The following SNX29 variants were observed in gnomAD, a reference collection of about 807,000 sequenced individuals.
SNX29 encodes sorting nexin-29.
Under a neutral mutation model 102.1 loss-of-function variants are expected in SNX29, and 78 were observed. The observed-to-expected ratio is 0.76, with a 90% CI of 0.64 to 0.92. SNX29 has a LOEUF of 0.92. SNX29 is among the 40% of genes least tolerant of loss of function. The pLI is 0.00. For synonymous variants in SNX29, 580 were observed against 414.5 expected (o/e 1.40, Z -4.85); for missense variants, 1,280 against 1,061.7 (o/e 1.21, Z -2.86).
At chr16:12,524,205 TC>T (rs1950617429) in intron 19 of SNX29, among the ~76,000 whole-genome samples, 2 of 152,152 alleles carry the variant, frequency 1.3e-5, no homozygotes, top group African/African-American at 4.8e-5. Context: ...AAAACCTCTT[TC>T]TTAATCAGTG....
chr16:12,024,626 C>T (rs2057137384), intron 3 of SNX29, among the ~76,000 whole-genome samples: 1 of 152,162 alleles, frequency 6.6e-6, no homozygotes, highest in African/African-American at 2.4e-5. Flanking sequence ...GACCTGTGTG[C>T]CTCTGTGACA....
chr16:12,225,980 C>T (rs1166241349), intron 14 of SNX29, among the ~76,000 whole-genome samples: 1 of 152,204 alleles, frequency 6.6e-6, no homozygotes, highest in African/African-American at 2.4e-5. Context: ...TAGCCAGCAT[C>T]CAGCCCTCAT....
At chr16:12,537,461 A>G (rs2077126971) in intron 20 of SNX29, among the ~76,000 whole-genome samples, 1 of 150,652 alleles carries the variant, frequency 6.6e-6, no homozygotes, top group Non-Finnish European at 1.5e-5. Context: ...CCTCTGCCTC[A>G]GCATCCTCAT....
chr16:12,572,520 C>G lies in SNX29; in HGVS notation c.*3891C>G, dbSNP rs532039125. ...CCTCGGCCTTCCTGCTCCACGTGCTCAAGCCCCCACAGGGGGCTGCGACAC... is the reference window on the plus strand; with the variant it reads ...CCTCGGCCTTCCTGCTCCACGTGCTGAAGCCCCCACAGGGGGCTGCGACAC... On this transcript the variant is annotated 3_prime_UTR_variant, in exon 21 of 21. Coordinates refer to ENST00000566228, the MANE Select transcript of SNX29 (RefSeq NM_032167.5). 2.1e-5 allele frequency: 22 copies of G among 1,064,302 alleles called. No individual in the cohort carries two copies. The Admixed American group carries it at 6.4e-4, about 31-fold the overall frequency. The allele number at this position is 1,064,302 out of a possible 1,614,324, so 65.9% of individuals were successfully genotyped here.
At chr16:12,077,970 C>G (rs1315232356) in intron 10 of SNX29, among the ~76,000 whole-genome samples, 2 of 152,114 alleles carry the variant, frequency 1.3e-5, no homozygotes, top group African/African-American at 4.8e-5. Flanking sequence ...GGTTTTATGT[C>G]TGTTCCTGTT....
intron 3 of SNX29, among the ~76,000 whole-genome samples, chr16:12,017,286 A>G (rs1257540817): frequency 6.6e-6 from 1 of 152,180 alleles, no homozygotes; most frequent in African/African-American, 2.4e-5. Flanking sequence ...CAGTGTTACT[A>G]TACTTTCTTG....
At chr16:12,561,080 G>C in intron 20 of SNX29, 1 of 225,066 alleles carries the variant, frequency 4.4e-6, no homozygotes. Flanking sequence ...ATGGATGTCA[G>C]CATAGTTCAC....
chr16:12,518,918 G>T (rs1020825314), intron 19 of SNX29, among the ~76,000 whole-genome samples: 1 of 152,224 alleles, frequency 6.6e-6, no homozygotes, highest in African/African-American at 2.4e-5. Flanking sequence ...TGAAGTAGAT[G>T]CAGTGTAGCC....
At chr16:12,383,017 A>C (rs891662753) in intron 16 of SNX29, among the ~76,000 whole-genome samples, 1 of 152,184 alleles carries the variant, frequency 6.6e-6, no homozygotes, top group Admixed American at 6.5e-5. Context: ...GGATGTGGAC[A>C]TATCTTTTTG....
At chr16:12,356,624 TA>T (rs1343972674) in intron 16 of SNX29, among the ~76,000 whole-genome samples, 10 of 152,386 alleles carry the variant, frequency 6.6e-5, no homozygotes, top group Non-Finnish European at 1.2e-4. Context: ...AACTTTTACC[TA>T]CATGGTATTA....
intron 18 of SNX29, among the ~76,000 whole-genome samples, chr16:12,460,311 T>G (rs1416866814): frequency 1.3e-5 from 2 of 152,242 alleles, no homozygotes; most frequent in Non-Finnish European, 2.9e-5. Context: ...TTTAGTATTT[T>G]CAGAGTTGAG....
chr16:12,442,386 C>G (rs899593602), intron 18 of SNX29, among the ~76,000 whole-genome samples: 24 of 152,172 alleles, frequency 1.6e-4, no homozygotes, highest in Admixed American at 5.9e-4. Context: ...TTCTTCTTTT[C>G]TCTCTTCTTC....
chr16:12,311,714 C>T (rs955108355), intron 15 of SNX29, among the ~76,000 whole-genome samples: 1 of 152,226 alleles, frequency 6.6e-6, no homozygotes, highest in Non-Finnish European at 1.5e-5. Flanking sequence ...TGTTGTCTGT[C>T]GCCAATTCCA....
intron 3 of SNX29, among the ~76,000 whole-genome samples, chr16:12,009,090 A>G (rs2056558474): frequency 6.6e-6 from 1 of 152,114 alleles, no homozygotes; most frequent in Non-Finnish European, 1.5e-5. Flanking sequence ...ATGCTAGTTT[A>G]CCATTTACAA....
At position 12,129,652 on chromosome 16, in the gene SNX29, G is replaced by GA; in HGVS notation, c.1489_1490insA (p.Gly497GlufsTer2). On this transcript the variant is annotated frameshift_variant, in exon 13 of 21. Coordinates refer to ENST00000566228, the MANE Select transcript of SNX29 (RefSeq NM_032167.5). LOFTEE classifies it high-confidence loss of function. ...CAGATCACTGCGAAACCTGCTCGAC[G>GA]GTGAGATGGAGCACTCAGCCGCGCT... The GA allele has an allele frequency of 6.2e-7, 1 of 1,611,054 alleles. No homozygotes were observed. Among genetic ancestry groups the GA allele is most frequent in the Non-Finnish European group, 8.5e-7 (1 of 1,179,438 alleles).
chr16:12,278,210 T>C (rs571275708), intron 15 of SNX29, among the ~76,000 whole-genome samples, 174 bp downstream of exon 15: 1 of 152,326 alleles, frequency 6.6e-6, no homozygotes, highest in Non-Finnish European at 1.5e-5. Flanking sequence ...AAGTATGAGC[T>C]GATCCTTTGA....
At chr16:12,427,885 G>A (rs928583423) in intron 18 of SNX29, among the ~76,000 whole-genome samples, 1 of 152,260 alleles carries the variant, frequency 6.6e-6, no homozygotes, top group African/African-American at 2.4e-5. Context: ...TCCCAGAGCA[G>A]TTGCTAAATA....
intron 19 of SNX29, among the ~76,000 whole-genome samples, chr16:12,519,250 T>G (rs1227306530): frequency 6.6e-6 from 1 of 152,194 alleles, no homozygotes; most frequent in African/African-American, 2.4e-5. Flanking sequence ...CGTGAACAGC[T>G]TGTGGTGAAA....
chr16:12,439,999 C>G (rs915941530), intron 18 of SNX29, among the ~76,000 whole-genome samples: 4 of 152,206 alleles, frequency 2.6e-5, no homozygotes, highest in Non-Finnish European at 4.4e-5. Flanking sequence ...CCAACTCTGC[C>G]TCCTGGAATT....
Sources: gnomAD v4.1 joint callset for allele counts (sites outside exome capture counted in the v4.1 genomes callset) on GRCh38, gnomAD v4.1.1 for gene constraint, MANE v1.5 for transcripts, NCBI Gene and HGNC (gene_info 2026-07-23, HGNC 2026-07-21) for gene names.